ABCF2: variants seen among roughly 807,000 people sequenced by gnomAD.
The protein encoded by ABCF2 is ATP binding cassette subfamily F member 2, also known as ATP-binding cassette sub-family F member 2.
Under a neutral mutation model 76.9 loss-of-function variants are expected in ABCF2, and 37 were observed. That is an observed-to-expected ratio of 0.48 (90% confidence interval 0.37 to 0.63). ABCF2 has a LOEUF of 0.63. ABCF2 is among the 30% of genes least tolerant of loss of function. ABCF2 has a pLI of 0.00. For synonymous variants in ABCF2, 299 were observed against 283.7 expected (o/e 1.05, Z -0.54); for missense variants, 524 against 782.1 (o/e 0.67, Z 3.94).
rs1359083956 is a variant in ABCF2 at position 151,215,596 on chromosome 7, T to C, written c.1530+8A>G. ...TCTGGCATCCTCACCACACCCTCCT[T>C]TACTGACCTGTTGTTTCCCAGTGAG... On this transcript the variant is annotated splice_region_variant and intron_variant, in intron 13 of 14. Transcript: ENST00000287844. The surrounding 1 kb of genome is among the most constrained non-coding windows in gnomAD (Gnocchi z 4.6). The C allele has an allele frequency of 6.2e-7, 1 of 1,613,942 alleles. No homozygotes were observed. The highest frequency in any genetic ancestry group is 1.1e-5 in the South Asian group (1 of 91,068).
At chr7:151,222,484 G>A (rs1218730181) in intron 6 of ABCF2, 37 bp downstream of exon 6, 2 of 1,554,646 alleles carry the variant, frequency 1.3e-6, no homozygotes, top group Non-Finnish European at 8.9e-7. Flanking sequence ...CCCCCTTTGG[G>A]ACCTGCCCGC....
rs1462412458 is a variant in ABCF2, at chr7:151,213,802, G to A, written c.*252C>T. ...CTCAGAGTAAGATAACCAGCAAGGG[G>A]CTGGAGGGAACGGCCAGCCGAGTCC... On this transcript the variant is annotated 3_prime_UTR_variant, in exon 15 of 15. Coordinates refer to ENST00000287844, the MANE Select transcript of ABCF2 (RefSeq NM_007189.3). The A allele has an allele frequency of 7.6e-7, 1 of 1,319,276 alleles. No individual in the cohort carries two copies. The highest frequency in any genetic ancestry group is 9.7e-7 in the Non-Finnish European group (1 of 1,035,780). 81.7% of individuals were successfully genotyped at this position (1,319,276 alleles called of 1,614,324 possible). A position where few individuals can be genotyped will look rare whatever the true frequency, so the allele number is the denominator to read the frequency against.
chr7:151,222,407 CCTTCCTTCA>C, intron 6 of ABCF2, 105 bp downstream of exon 6: 1 of 796,108 alleles, frequency 1.3e-6, no homozygotes, highest in South Asian at 1.9e-5. Flanking sequence ...TGAACTCTGT[CCTTCCTTCA>C]GTTCCTTTCT....
At chr7:151,221,866 T>A (rs1802275919) in intron 6 of ABCF2, 186 bp from the exon 7 acceptor site, 4 of 537,608 alleles carry the variant, frequency 7.4e-6, no homozygotes, top group Non-Finnish European at 1.4e-5. Flanking sequence ...TGGACGCCTT[T>A]CAGTGTGGCG....
intron 11 of ABCF2, among the ~76,000 whole-genome samples, chr7:151,216,331 A>G (rs1422294603): frequency 1.3e-5 from 2 of 152,232 alleles, no homozygotes; most frequent in African/African-American, 4.8e-5. Flanking sequence ...CTAAAATTAA[A>G]AACAGTTAAG....
At position 151,214,117 on chromosome 7, in the gene ABCF2, C is replaced by T; in HGVS notation, c.1809G>A (p.Glu603=). 2 of 1,614,172 alleles carry T rather than the reference C, an allele frequency of 1.2e-6. No homozygotes were observed. Among genetic ancestry groups the T allele is most frequent in the Non-Finnish European group, 1.7e-6 (2 of 1,180,022 alleles). The stretch of plus-strand genomic sequence containing the variant: ...CATCCACCAGCTTGGACTTGAGGTG[C>T]TCCTTGTAAGCCAGGATGTCTCCAG... ...KWPGDILAYK[E]HLKSKLVDEE... The change falls in exon 15 of 15, where the codon GAG becomes GAA. Residue 603 remains glutamate (E), a synonymous_variant. Coordinates refer to ENST00000287844, the MANE Select transcript of ABCF2 (RefSeq NM_007189.3). The surrounding 1 kb of genome is among the most constrained non-coding windows in gnomAD (Gnocchi z 4.9).
chr7:151,217,723 A>G (rs973576731), intron 11 of ABCF2, among the ~76,000 whole-genome samples: 4 of 137,892 alleles, frequency 2.9e-5, no homozygotes, highest in Admixed American at 7.6e-5. Flanking sequence ...AACTCGGGGG[A>G]TGAAGGTTGC....
At position 151,212,490 on chromosome 7, in the gene ABCF2, T is replaced by C; in HGVS notation, c.*1564A>G. 1.0e-6 allele frequency: 1 copy of C among 985,450 alleles called. No homozygotes were observed. Among genetic ancestry groups the C allele is most frequent in the Non-Finnish European group, 1.2e-6 (1 of 829,944 alleles). The allele number at this position is 985,450 out of a possible 1,614,324, so 61.0% of individuals were successfully genotyped here. A position where few individuals can be genotyped will look rare whatever the true frequency, so the allele number is the denominator to read the frequency against. On this transcript the variant is annotated 3_prime_UTR_variant, in exon 15 of 15. Transcript: ENST00000287844. ...TGCGATTAATCAATAGGTCTGATGC[T>C]CAGCAATCTGAATTTTTTTATTTTT...
In ABCF2 at chr7:151,214,740, T is replaced by C; in HGVS notation, c.1734+139A>G. On this transcript the variant is annotated intron_variant, in intron 14 of 14. Coordinates refer to ENST00000287844, the MANE Select transcript of ABCF2 (RefSeq NM_007189.3). This position sits in a 1 kb window ranked among gnomAD's most constrained non-coding sequence, Gnocchi z 4.9. ...AGCCCCAAAGAGGCATAAGAACTGG[T>C]CCTCACCACCTGTGTCTACACTCTG... The C allele has an allele frequency of 1.3e-6, 1 of 753,812 alleles. No homozygotes were observed. The highest frequency in any genetic ancestry group is 1.8e-5 in the South Asian group (1 of 55,974). The allele number at this position is 753,812 out of a possible 1,614,324, so 46.7% of individuals were successfully genotyped here. A position where few individuals can be genotyped will look rare whatever the true frequency, so the allele number is the denominator to read the frequency against.
At chr7:151,218,959 TC>T in intron 8 of ABCF2, 86 bp from the exon 9 acceptor site, 2 of 1,608,664 alleles carry the variant, frequency 1.2e-6, no homozygotes, top group Non-Finnish European at 1.7e-6. Flanking sequence ...GATCGTAACT[TC>T]TTCCCGACAT....
rs11538632 is a variant in ABCF2, at chr7:151,223,833, G to A, written c.567C>T (p.Leu189=). The change falls in exon 5 of 15, where the codon CTC becomes CTT. Residue 189 remains leucine (L), a synonymous_variant. Transcript: ENST00000287844. ...LAHEDAECEK[L]MELYERLEEL... is the part of the protein sequence containing the mutation. ...CCTCCAGGCGCTCGTAGAGCTCCAT[G>A]AGCTTCTCACACTCCGCTGTGGACA... The A allele has an allele frequency of 2.3e-3, 3,709 of 1,613,506 alleles. 54 individuals are homozygous for A. In the African/African-American group the frequency reaches 0.04, roughly 17 times the overall value.
At position 151,224,083 on chromosome 7, in the gene ABCF2, C is replaced by T. The variant is rs915758212; in HGVS notation, c.399G>A (p.Lys133=). 1 of 1,614,200 alleles carries T rather than the reference C, an allele frequency of 6.2e-7. No individual in the cohort carries two copies. The highest frequency in any genetic ancestry group is 8.5e-7 in the Non-Finnish European group (1 of 1,180,032). Residue 133 remains lysine, a synonymous_variant, in exon 4 of 15, where the codon AAG becomes AAA. Transcript: ENST00000287844. ...GKSMLLSAIG[K]REVPIPEHID... ...TGTGCTCAGGGATGGGCACTTCACG[C>T]TTCCCAATAGCAGAGAGCAGCATGG... is the stretch of plus-strand genomic sequence containing the variant.
At chr7:151,217,747 C>T (rs1054155009) in intron 11 of ABCF2, among the ~76,000 whole-genome samples, 6 of 71,752 alleles carry the variant, frequency 8.4e-5, no homozygotes, top group African/African-American at 2.3e-4. Flanking sequence ...GAGCTGAGAT[C>T]GCACATTGCA....
In ABCF2 at chr7:151,212,398, G is replaced by A. The variant is rs1802064490; in HGVS notation, c.*1656C>T. 1 of 985,380 alleles carries A rather than the reference G, an allele frequency of 1.0e-6. No homozygotes were observed. Among genetic ancestry groups the A allele is most frequent in the Non-Finnish European group, 1.2e-6 (1 of 829,952 alleles). The allele number at this position is 985,380 out of a possible 1,614,324, so 61.0% of individuals were successfully genotyped here. A position where few individuals can be genotyped will look rare whatever the true frequency, so the allele number is the denominator to read the frequency against. On this transcript the variant is annotated 3_prime_UTR_variant, in exon 15 of 15. Transcript: ENST00000287844. ...TTTCCTGTATCCCAATAGGAAGAGA[G>A]GTTCACAGACGTTGGTGTGAAAATG... is the stretch of plus-strand genomic sequence containing the variant.
At position 151,226,350 on chromosome 7, in the gene ABCF2, G is replaced by C. The variant is rs747907817; in HGVS notation, c.109C>G (p.Pro37Ala). ...HEENGDVVTEPQVAEKNEANG... is the reference protein window; with the variant it reads ...HEENGDVVTEAQVAEKNEANG... ...GCCTCATTCTTCTCTGCCACCTGTG[G>C]TTCTGTGACAACATCTCCATTTTCT... The change falls in exon 2 of 15, where the codon CCA (proline) becomes GCA (alanine). Residue 37 changes from proline (P) to alanine (A), a missense_variant. Around this residue, in one of 2 missense-constraint regions of ABCF2, gnomAD observed 330 missense variants for 433.6 expected, o/e 0.76. Coordinates refer to ENST00000287844, the MANE Select transcript of ABCF2 (RefSeq NM_007189.3). The C allele has an allele frequency of 8.1e-6, 13 of 1,613,956 alleles. No individual in the cohort carries two copies. Among genetic ancestry groups the C allele is most frequent in the Non-Finnish European group, 1.1e-5 (13 of 1,180,024 alleles).
In ABCF2 at chr7:151,222,520, C is replaced by G; in HGVS notation, c.818+1G>C. The G allele has an allele frequency of 6.2e-7, 1 of 1,612,922 alleles. No individual in the cohort carries two copies. Among genetic ancestry groups the G allele is most frequent in the Admixed American group, 1.7e-5 (1 of 59,936 alleles). On this transcript the variant is annotated splice_donor_variant, in intron 6 of 14. Coordinates refer to ENST00000287844, the MANE Select transcript of ABCF2 (RefSeq NM_007189.3). LOFTEE classifies it high-confidence loss of function. ...TCACATCCCCCATTCCACCCTCTTA[C>G]GTTTTTAGTTCTTCTTCCAACCACA...
Position 151,219,070 on chromosome 7 carries a change from G to A in ABCF2, c.1011C>T (p.His337=). The A allele has an allele frequency of 6.2e-7, 1 of 1,613,990 alleles. No individual in the cohort carries two copies. The highest frequency in any genetic ancestry group is 8.5e-7 in the Non-Finnish European group (1 of 1,179,990). The change falls in exon 8 of 15, where the codon CAC becomes CAT. Residue 337 remains histidine (H), a synonymous_variant. Coordinates refer to ENST00000287844, the MANE Select transcript of ABCF2 (RefSeq NM_007189.3). ...GACTCTGCAGTCTCCCTACCTTCAT[G>A]TGTGCAATCTGATCTTGCTCCCAGT... ...RFHWEQDQIA[H]MKNYIARFGH...
Position 151,215,468 on chromosome 7 carries a change from T to G in ABCF2, c.1530+136A>C, listed in dbSNP as rs1802131093. On this transcript the variant is annotated intron_variant, in intron 13 of 14. Transcript: ENST00000287844. This position sits in a 1 kb window ranked among gnomAD's most constrained non-coding sequence, Gnocchi z 4.6. ...CCTAGAGTAAAGAAAAGGTAGTAGG[T>G]TCTTAGGGGAGTCAAATGGAGGAGA... is the stretch of plus-strand genomic sequence containing the variant. 9.2e-7 allele frequency: 1 copy of G among 1,089,192 alleles called. No homozygotes were observed. The highest frequency in any genetic ancestry group is 1.6e-5 in the African/African-American group (1 of 63,656). 67.5% of individuals were successfully genotyped at this position (1,089,192 alleles called of 1,614,324 possible).
In ABCF2 at chr7:151,213,009, C is replaced by T; in HGVS notation, c.*1045G>A. ...GAACTCCTGAGCTCAAGTGATCCAC[C>T]TGCCTCAGCCTCCCAAAGCGCTGGG... On this transcript the variant is annotated 3_prime_UTR_variant, in exon 15 of 15. Transcript: ENST00000287844. 3 of 941,824 alleles carry T rather than the reference C, an allele frequency of 3.2e-6. No homozygotes were observed. The highest frequency in any genetic ancestry group is 3.8e-6 in the Non-Finnish European group (3 of 790,230). 58.3% of individuals were successfully genotyped at this position (941,824 alleles called of 1,614,324 possible). A position where few individuals can be genotyped will look rare whatever the true frequency, so the allele number is the denominator to read the frequency against.
Sources: allele counts gnomAD v4.1 joint callset (sites outside exome capture counted in the v4.1 genomes callset), GRCh38; gene constraint gnomAD v4.1.1; regional missense constraint gnomAD v4.1.1; non-coding constraint Gnocchi (gnomAD v3.1); transcripts MANE v1.5; gene names NCBI Gene and HGNC (gene_info 2026-07-23, HGNC 2026-07-21).